Variants in ETFA observed in about 807,000 individuals in gnomAD.
The protein encoded by ETFA is electron transfer flavoprotein subunit alpha, mitochondrial.
Under a neutral mutation model 46.2 loss-of-function variants are expected in ETFA, and 22 were observed. The observed-to-expected ratio is 0.48, with a 90% confidence interval of 0.34 to 0.68. The LOEUF is 0.68. ETFA is among the 30% of genes least tolerant of loss of function. The pLI, the probability that ETFA is intolerant of heterozygous loss-of-function variation, is 0.01. For synonymous variants in ETFA, 131 were observed against 139.9 expected (o/e 0.94, Z 0.45); for missense variants, 345 against 401.1 (o/e 0.86, Z 1.19).
Position 76,280,553 on chromosome 15 carries a change from C to T in ETFA, c.733+3204G>A, listed in dbSNP as rs2039637657. Among the ~76,000 whole-genome samples, 5 of 152,238 alleles carry T rather than the reference C, an allele frequency of 3.3e-5. No individual in the cohort carries two copies. The South Asian group carries it at 1.0e-3, about 32-fold the overall frequency. On this transcript the variant is annotated intron_variant, in intron 8 of 11. Transcript: ENST00000557943. ...ATCTCCCCATTACTATACTTACCCCCTACAGCTTATTCACAAAACTGCAGC... is the reference window on the plus strand; with the variant it reads ...ATCTCCCCATTACTATACTTACCCCTTACAGCTTATTCACAAAACTGCAGC...
At chr15:76,290,653 A>C (rs2039751952) in intron 4 of ETFA, among the ~76,000 whole-genome samples, 1 of 152,160 alleles carries the variant, frequency 6.6e-6, no homozygotes, top group East Asian at 1.9e-4. Context: ...CATACTCTTA[A>C]GTAAAAGCTA....
rs893245050 is a variant in ETFA, at chr15:76,259,691, C to T, written c.816+14721G>A. Reference sequence around the variant, plus strand: ...CCCGCTGTAGATCTTCCAGGAGAGTCCAAAGTCAGCCACACACACGGTCAT... The same window carrying T: ...CCCGCTGTAGATCTTCCAGGAGAGTTCAAAGTCAGCCACACACACGGTCAT... On this transcript the variant is annotated intron_variant, in intron 9 of 11. Coordinates refer to ENST00000557943, the MANE Select transcript of ETFA (RefSeq NM_000126.4). 17 of 1,204,494 alleles carry T rather than the reference C, an allele frequency of 1.4e-5. No homozygotes were observed. In the South Asian group the frequency reaches 1.8e-4, roughly 13 times the overall value. The allele number at this position is 1,204,494 out of a possible 1,614,324, so 74.6% of individuals were successfully genotyped here. A position where few individuals can be genotyped will look rare whatever the true frequency, so the allele number is the denominator to read the frequency against.
intron 9 of ETFA, among the ~76,000 whole-genome samples, chr15:76,268,347 C>G (rs970361667): frequency 2.0e-5 from 3 of 152,046 alleles, no homozygotes; most frequent in African/African-American, 4.8e-5. Flanking sequence ...CCATGGATCC[C>G]AACCATGGAC....
At chr15:76,263,303 G>A (rs532683221) in intron 9 of ETFA, among the ~76,000 whole-genome samples, 2 of 152,280 alleles carry the variant, frequency 1.3e-5, no homozygotes, top group East Asian at 1.9e-4. Context: ...ATGGCCTGGT[G>A]TTGGGTCTGA....
At chr15:76,306,553 T>C (rs567824172) in intron 1 of ETFA, among the ~76,000 whole-genome samples, 134 of 151,984 alleles carry the variant, frequency 8.8e-4, no homozygotes, top group African/African-American at 3.2e-3. Flanking sequence ...CATGAGCCAC[T>C]GCACCCAGCC....
chr15:76,266,791 C>T (rs996885454), intron 9 of ETFA, among the ~76,000 whole-genome samples: 3 of 152,052 alleles, frequency 2.0e-5, no homozygotes, highest in Non-Finnish European at 4.4e-5. Flanking sequence ...GTAGTCCCAG[C>T]TACTCAGGAG....
chr15:76,239,510 T>C (rs1300230162), intron 9 of ETFA, among the ~76,000 whole-genome samples: 3 of 152,100 alleles, frequency 2.0e-5, no homozygotes, highest in Non-Finnish European at 2.9e-5. Context: ...GCATAACAAA[T>C]TTTGTATCCT....
chr15:76,219,293 A>G (rs1400067123), intron 11 of ETFA, among the ~76,000 whole-genome samples: 3 of 152,160 alleles, frequency 2.0e-5, no homozygotes, highest in Admixed American at 1.3e-4. Context: ...ATGAAGTTGG[A>G]CTCCTACCTC....
intron 9 of ETFA, among the ~76,000 whole-genome samples, chr15:76,255,661 G>C (rs533378979): frequency 6.6e-6 from 1 of 152,268 alleles, no homozygotes; most frequent in South Asian, 2.1e-4. Flanking sequence ...CTATTGTCCA[G>C]TATTGATATC....
At chr15:76,217,375 C>T (rs1385572912) in intron 11 of ETFA, among the ~76,000 whole-genome samples, 1 of 152,206 alleles carries the variant, frequency 6.6e-6, no homozygotes, top group Non-Finnish European at 1.5e-5. Flanking sequence ...TTGTTCATTT[C>T]ACAAACATAT....
Position 76,283,805 on chromosome 15 carries a change from C to A in ETFA, c.685G>T (p.Glu229Ter). 6.2e-7 allele frequency: 1 copy of A among 1,611,580 alleles called. No individual in the cohort carries two copies. The highest frequency in any genetic ancestry group is 8.5e-7 in the Non-Finnish European group (1 of 1,178,084). Residue 229 changes from glutamate (E) to a stop codon, truncating the protein, a stop_gained, in exon 8 of 12, where the codon GAG (glutamate) becomes TAG (stop). Coordinates refer to ENST00000557943, the MANE Select transcript of ETFA (RefSeq NM_000126.4). LOFTEE classifies it high-confidence loss of function. ...VSGGRGLKSG[E>*]NFKLLYDLAD... ...AAGTCATATAACAACTTAAAGTTCTCTCCACTCTTCAAGCCTCGACCTCAT... is the reference window on the plus strand; with the variant it reads ...AAGTCATATAACAACTTAAAGTTCTATCCACTCTTCAAGCCTCGACCTCAT...
chr15:76,219,285 G>A (rs777008332), intron 11 of ETFA, among the ~76,000 whole-genome samples: 13 of 152,182 alleles, frequency 8.5e-5, no homozygotes, highest in Non-Finnish European at 1.6e-4. Context: ...GCCAAAGAAT[G>A]AAGTTGGACT....
rs1011361284 is a variant in ETFA, at chr15:76,215,845, G to C, written c.*714C>G. The C allele has an allele frequency of 6.6e-6, 1 of 152,200 alleles. No individual in the cohort carries two copies. Among genetic ancestry groups the C allele is most frequent in the Non-Finnish European group, 1.5e-5 (1 of 68,088 alleles). 9.4% of individuals were successfully genotyped at this position (152,200 alleles called of 1,614,324 possible). ...AACATCAAACTATCTGCTTGCATCAGAGGCCATGCTGTCTCAAAGCAGCCC... is the reference window on the plus strand; with the variant it reads ...AACATCAAACTATCTGCTTGCATCACAGGCCATGCTGTCTCAAAGCAGCCC... On this transcript the variant is annotated 3_prime_UTR_variant, in exon 12 of 12. Transcript: ENST00000557943.
At chr15:76,257,622 G>C (rs1217000519) in intron 9 of ETFA, among the ~76,000 whole-genome samples, 1 of 151,872 alleles carries the variant, frequency 6.6e-6, no homozygotes, top group Non-Finnish European at 1.5e-5. Context: ...ATTCCTCAGG[G>C]ATCTAGAACT....
chr15:76,254,689 C>G (rs1427676139), intron 9 of ETFA, among the ~76,000 whole-genome samples: 1 of 152,100 alleles, frequency 6.6e-6, no homozygotes, highest in Non-Finnish European at 1.5e-5. Context: ...GGTGCCAAGA[C>G]TTTTAAAGAA....
intron 9 of ETFA, among the ~76,000 whole-genome samples, chr15:76,258,593 C>A (rs1199751404): frequency 2.6e-5 from 4 of 152,214 alleles, no homozygotes; most frequent in Non-Finnish European, 4.4e-5. Flanking sequence ...AGGCTGGAGG[C>A]AGCCCAATGC....
At chr15:76,240,575 A>T (rs1332075934) in intron 9 of ETFA, among the ~76,000 whole-genome samples, 2 of 152,232 alleles carry the variant, frequency 1.3e-5, no homozygotes, top group Non-Finnish European at 2.9e-5. Flanking sequence ...GAATTTTTTT[A>T]AAACAAGGAC....
intron 9 of ETFA, among the ~76,000 whole-genome samples, chr15:76,236,209 T>C (rs2039120425): frequency 6.6e-6 from 1 of 152,244 alleles, no homozygotes; most frequent in African/African-American, 2.4e-5. Flanking sequence ...AACTGTCCTC[T>C]GCTACATTGC....
At chr15:76,281,528 C>T (rs1596216464) in intron 8 of ETFA, among the ~76,000 whole-genome samples, 2 of 151,760 alleles carry the variant, frequency 1.3e-5, no homozygotes, top group African/African-American at 2.4e-5. Context: ...CAGGTTCAAG[C>T]GTTTCTCCTG....
Sources: gnomAD v4.1 joint callset for allele counts (sites outside exome capture counted in the v4.1 genomes callset) on GRCh38, gnomAD v4.1.1 for gene constraint, MANE v1.5 for transcripts, NCBI Gene and HGNC (gene_info 2026-07-23, HGNC 2026-07-21) for gene names.